Variants in KCNAB1 observed in about 807,000 individuals in gnomAD.
KCNAB1 encodes the protein potassium voltage-gated channel subfamily A regulatory beta subunit 1, also known as voltage-gated potassium channel subunit beta-1.
KCNAB1 carries 35 observed loss-of-function variants against 64.6 expected under a neutral mutation model. The observed-to-expected ratio is 0.54, with a 90% confidence interval of 0.41 to 0.72. The LOEUF is 0.72. Among genes scored for constraint, KCNAB1 ranks in the 30% least tolerant of loss-of-function variants. The probability of loss-of-function intolerance (pLI) is 0.00; values close to 1 mark genes in which losing one functional copy is unlikely to be tolerated. For synonymous variants in KCNAB1, 177 were observed against 183.8 expected (o/e 0.96, Z 0.30); for missense variants, 401 against 512.9 (o/e 0.78, Z 2.11).
At chr3:156,471,413 G>C (rs1033628773) in intron 7 of KCNAB1, among the ~76,000 whole-genome samples, 1 of 151,962 alleles carries the variant, frequency 6.6e-6, no homozygotes, top group African/African-American at 2.4e-5. Context: ...TTATTTTCCT[G>C]TGGACTTTTG....
intron 1 of KCNAB1, among the ~76,000 whole-genome samples, chr3:156,320,773 C>T (rs537950965): frequency 3.3e-5 from 5 of 152,304 alleles, no homozygotes; most frequent in African/African-American, 1.2e-4. Flanking sequence ...AAGTTCTCCT[C>T]TCCTCACCAT....
At chr3:156,229,541 T>TTA (rs572762296) in intron 1 of KCNAB1, among the ~76,000 whole-genome samples, 82 of 152,168 alleles carry the variant, frequency 5.4e-4, no homozygotes, top group African/African-American at 1.5e-3. Flanking sequence ...GTTGGATGCA[T>TTA]TAGTGGAAAG....
chr3:156,301,231 T>G (rs1721138125), intron 1 of KCNAB1, among the ~76,000 whole-genome samples: 3 of 152,160 alleles, frequency 2.0e-5, no homozygotes, highest in South Asian at 4.1e-4. Flanking sequence ...TAAAATGTCT[T>G]TGGCCTGAGA....
intron 11 of KCNAB1, 24 bp from the exon 12 acceptor site, chr3:156,523,803 T>G (rs1351047545): frequency 6.2e-7 from 1 of 1,603,752 alleles, no homozygotes; most frequent in Non-Finnish European, 8.5e-7. Flanking sequence ...GACATTAACA[T>G]TTCAATGTTA....
intron 8 of KCNAB1, among the ~76,000 whole-genome samples, chr3:156,484,566 T>C (rs1715062876): frequency 6.6e-6 from 1 of 152,120 alleles, no homozygotes; most frequent in Non-Finnish European, 1.5e-5. Flanking sequence ...TGACTGGATC[T>C]CAGGAGAATT....
intron 1 of KCNAB1, among the ~76,000 whole-genome samples, chr3:156,237,018 G>C (rs982804433): frequency 3.3e-5 from 5 of 152,224 alleles, no homozygotes; most frequent in African/African-American, 1.2e-4. Context: ...GCGATGAACT[G>C]GGGTTAGAGA....
At chr3:156,178,776 C>T (rs926826946) in intron 1 of KCNAB1, among the ~76,000 whole-genome samples, 3 of 151,904 alleles carry the variant, frequency 2.0e-5, no homozygotes, top group African/African-American at 7.3e-5. Context: ...CCGAGACGGG[C>T]GGATCACGAG....
intron 8 of KCNAB1, among the ~76,000 whole-genome samples, chr3:156,479,143 G>T (rs1714602630): frequency 6.6e-6 from 1 of 152,064 alleles, no homozygotes; most frequent in Non-Finnish European, 1.5e-5. Context: ...TGGCAACGAT[G>T]GCATGTTTTC....
intron 1 of KCNAB1, among the ~76,000 whole-genome samples, chr3:156,358,256 G>A (rs928197056): frequency 1.3e-5 from 2 of 152,068 alleles, no homozygotes; most frequent in African/African-American, 4.8e-5. Flanking sequence ...TGATTACTTC[G>A]TATCATCCCT....
intron 1 of KCNAB1, among the ~76,000 whole-genome samples, chr3:156,337,952 C>G (rs893766030): frequency 1.3e-5 from 2 of 152,132 alleles, no homozygotes; most frequent in African/African-American, 4.8e-5. Flanking sequence ...AATAGCAGAT[C>G]CTATTGTTAA....
At chr3:156,417,719 G>GAAAAAAAAAAAAAAAA (rs200175870) in intron 1 of KCNAB1, among the ~76,000 whole-genome samples, 2 of 130,262 alleles carry the variant, frequency 1.5e-5, no homozygotes, top group African/African-American at 5.8e-5. Context: ...TGCCTTAAAA[G>GAAAAAAAAAAAAAAAA]AAAAAAAAAA....
At chr3:156,198,913 A>ATTTTTTTTTTTT (rs71138701) in intron 1 of KCNAB1, among the ~76,000 whole-genome samples, 5 of 21,288 alleles carry the variant, frequency 2.3e-4, no homozygotes, top group Non-Finnish European at 4.5e-4. Context: ...TTATATTTTG[A>ATTTTTTTTTTTT]TTTTTTTTTT....
intron 1 of KCNAB1, among the ~76,000 whole-genome samples, chr3:156,142,142 T>C (rs1714741304): frequency 6.6e-6 from 1 of 152,242 alleles, no homozygotes; most frequent in Non-Finnish European, 1.5e-5. Flanking sequence ...TTGTATGTTC[T>C]AGATATAAGT....
At chr3:156,147,457 G>A (rs1000900057) in intron 1 of KCNAB1, among the ~76,000 whole-genome samples, 34 of 152,114 alleles carry the variant, frequency 2.2e-4, no homozygotes, top group Non-Finnish European at 1.6e-4. Flanking sequence ...ATGGAAAAAA[G>A]TGACATTGTT....
chr3:156,534,229 C>T (rs1718892979), intron 13 of KCNAB1, among the ~76,000 whole-genome samples: 1 of 152,138 alleles, frequency 6.6e-6, no homozygotes, highest in African/African-American at 2.4e-5. Flanking sequence ...TACGGAGCAC[C>T]AGCAGTTGTA....
intron 1 of KCNAB1, chr3:156,292,165 G>A (rs1720481944): frequency 3.1e-6 from 5 of 1,607,448 alleles, no homozygotes; most frequent in Non-Finnish European, 4.3e-6. Flanking sequence ...GGGGTATCCA[G>A]GTTCTATACA....
chr3:156,529,282 A>G (rs1576981664), intron 12 of KCNAB1, among the ~76,000 whole-genome samples: 1 of 152,216 alleles, frequency 6.6e-6, no homozygotes, highest in Non-Finnish European at 1.5e-5. Context: ...TCCAGAAAAG[A>G]CAAATCTGGA....
At chr3:156,513,552 G>A (rs7634798) in intron 8 of KCNAB1, among the ~76,000 whole-genome samples, 91,000 of 152,104 alleles carry the variant, frequency 0.6, 29,988 homozygotes, top group African/African-American at 0.89. Flanking sequence ...TTTTAACTAA[G>A]TTAAACTTGA....
chr3:156,178,605 G>A (rs1053715638), intron 1 of KCNAB1, among the ~76,000 whole-genome samples: 1 of 152,184 alleles, frequency 6.6e-6, no homozygotes, highest in Non-Finnish European at 1.5e-5. Flanking sequence ...AACCTTGAAA[G>A]GATAGAGAAT....
Sources: gnomAD v4.1 joint callset for allele counts (sites outside exome capture counted in the v4.1 genomes callset) on GRCh38, gnomAD v4.1.1 for gene constraint, MANE v1.5 for transcripts, NCBI Gene and HGNC (gene_info 2026-07-23, HGNC 2026-07-21) for gene names.